MAPK10: variants seen among roughly 807,000 people sequenced by gnomAD.
MAPK10 encodes the protein mitogen-activated protein kinase 10.
A neutral mutation model predicts 59.3 loss-of-function variants in MAPK10; 25 were observed. The ratio of observed to expected loss-of-function variants is 0.42; its 90% CI spans 0.31 to 0.59. The LOEUF is 0.59. MAPK10 is among the 20% of genes least tolerant of loss of function. The pLI is 0.15. For synonymous variants in MAPK10, 190 were observed against 200.5 expected, an observed-to-expected ratio of 0.95 and a Z score of 0.44; for missense variants, 351 against 568.9, an observed-to-expected ratio of 0.62 and a Z score of 3.90.
chr4:86,101,025 G>T, intron 8 of MAPK10, 27 bp downstream of exon 8: 1 of 1,606,548 alleles, frequency 6.2e-7, no homozygotes, highest in Non-Finnish European at 8.5e-7. Flanking sequence ...TCATGGTTTT[G>T]ATGCTGCTCT....
intron 2 of MAPK10, among the ~76,000 whole-genome samples, chr4:86,349,118 TC>T (rs1367559736): frequency 1.3e-5 from 2 of 152,276 alleles, no homozygotes; most frequent in Non-Finnish European, 2.9e-5. Context: ...ATAACAATCA[TC>T]AAAAAACAAT....
In MAPK10 at chr4:86,027,935, C is replaced by T. The variant is rs547211148; in HGVS notation, c.1252+1262G>A. 3 of 152,330 alleles carry T rather than the reference C, an allele frequency of 2.0e-5. No individual in the cohort carries two copies. The South Asian group carries it at 6.2e-4, about 32-fold the overall frequency. The allele number at this position is 152,330 out of a possible 1,614,324, so 9.4% of individuals were successfully genotyped here. A position where few individuals can be genotyped will look rare whatever the true frequency, so the allele number is the denominator to read the frequency against. On this transcript the variant is annotated intron_variant, in intron 13 of 13. Coordinates refer to ENST00000641462, the MANE Select transcript of MAPK10 (RefSeq NM_138982.4). ...GGAAATGAAGTAATGATAACTTGAACTGAAGATGAATAGAATAGGTTCTAC... is the reference window on the plus strand; with the variant it reads ...GGAAATGAAGTAATGATAACTTGAATTGAAGATGAATAGAATAGGTTCTAC...
intron 1 of MAPK10, among the ~76,000 whole-genome samples, chr4:86,566,206 C>G (rs928641723): frequency 6.6e-6 from 1 of 152,132 alleles, no homozygotes; most frequent in Non-Finnish European, 1.5e-5. Flanking sequence ...ATTCCCTCTT[C>G]CCAAGGTCAA....
intron 1 of MAPK10, among the ~76,000 whole-genome samples, chr4:86,366,271 G>C (rs565167769): frequency 1.3e-5 from 2 of 152,236 alleles, no homozygotes; most frequent in African/African-American, 4.8e-5. Context: ...CATGTTGATA[G>C]CAAGAGGGAA....
At chr4:86,420,734 A>G (rs1296962925) in intron 1 of MAPK10, among the ~76,000 whole-genome samples, 2 of 152,162 alleles carry the variant, frequency 1.3e-5, no homozygotes, top group Non-Finnish European at 2.9e-5. Flanking sequence ...GGCTGCAGTG[A>G]GTCGAGATCA....
chr4:86,062,828 G>A (rs1050220345), intron 11 of MAPK10, among the ~76,000 whole-genome samples: 16 of 152,144 alleles, frequency 1.1e-4, no homozygotes, highest in East Asian at 7.7e-4. Flanking sequence ...AAGAACATCT[G>A]TGCAAGTATT....
At chr4:86,144,872 A>G (rs1176685762) in intron 4 of MAPK10, among the ~76,000 whole-genome samples, 2 of 152,200 alleles carry the variant, frequency 1.3e-5, no homozygotes, top group African/African-American at 4.8e-5. Flanking sequence ...AAATGTTAAA[A>G]ACTTACAGTG....
chr4:86,559,865 G>A (rs1045922573), intron 1 of MAPK10, among the ~76,000 whole-genome samples: 2 of 151,394 alleles, frequency 1.3e-5, no homozygotes, highest in African/African-American at 4.9e-5. Context: ...CTTGAACCTG[G>A]GAGGCAGAGA....
At chr4:86,250,471 ATGC>A (rs2093355621) in intron 2 of MAPK10, among the ~76,000 whole-genome samples, 1 of 152,202 alleles carries the variant, frequency 6.6e-6, no homozygotes, top group African/African-American at 2.4e-5. Context: ...CCGCTGAACT[ATGC>A]TTTTGCTGTT....
intron 1 of MAPK10, among the ~76,000 whole-genome samples, chr4:86,368,378 C>T (rs1003835196): frequency 3.3e-5 from 5 of 152,124 alleles, no homozygotes; most frequent in Admixed American, 6.5e-5. Context: ...TAACTAAAAT[C>T]CATGGTTTAC....
At chr4:86,543,713 C>T (rs1578057932) in intron 1 of MAPK10, among the ~76,000 whole-genome samples, 1 of 151,900 alleles carries the variant, frequency 6.6e-6, no homozygotes, top group South Asian at 2.1e-4. Context: ...TTGGCAAGTA[C>T]ATGAAGAGGA....
intron 2 of MAPK10, chr4:86,308,799 C>T (rs891946649): frequency 3.3e-5 from 5 of 152,222 alleles, no homozygotes; most frequent in Non-Finnish European, 7.3e-5. Flanking sequence ...AAATGACCAT[C>T]TACCTTTTCT....
intron 2 of MAPK10, among the ~76,000 whole-genome samples, chr4:86,283,361 A>G (rs1207620693): frequency 6.6e-6 from 1 of 152,246 alleles, no homozygotes; most frequent in Non-Finnish European, 1.5e-5. Flanking sequence ...ATAATCTACC[A>G]GCAGTGCTGG....
chr4:86,284,586 C>T (rs538537906), intron 2 of MAPK10, among the ~76,000 whole-genome samples: 53 of 152,264 alleles, frequency 3.5e-4, no homozygotes, highest in African/African-American at 1.1e-3. Context: ...ATAATACTAC[C>T]GGCCTCATAG....
chr4:86,236,338 A>G (rs936232800), intron 2 of MAPK10, among the ~76,000 whole-genome samples: 1 of 152,224 alleles, frequency 6.6e-6, no homozygotes, highest in African/African-American at 2.4e-5. Context: ...AGGGTGAGGA[A>G]GACATTATTC....
chr4:86,582,144 G>A (rs1424485578), intron 1 of MAPK10, among the ~76,000 whole-genome samples: 1 of 151,418 alleles, frequency 6.6e-6, no homozygotes, highest in Non-Finnish European at 1.5e-5. Context: ...ATCTGTAAAA[G>A]TGAAAGTAAC....
intron 1 of MAPK10, among the ~76,000 whole-genome samples, chr4:86,525,697 C>T (rs751089107): frequency 3.3e-5 from 5 of 152,186 alleles, no homozygotes; most frequent in African/African-American, 4.8e-5. Flanking sequence ...TCAACACTTA[C>T]GAGTATTCTT....
At chr4:86,565,549 A>G (rs1174255118) in intron 1 of MAPK10, among the ~76,000 whole-genome samples, 2 of 152,228 alleles carry the variant, frequency 1.3e-5, no homozygotes, top group Admixed American at 6.5e-5. Context: ...CCTCTAAAAC[A>G]TCAGTGATTA....
chr4:86,052,430 A>T (rs576001650), intron 11 of MAPK10, among the ~76,000 whole-genome samples: 3 of 152,256 alleles, frequency 2.0e-5, no homozygotes, highest in Admixed American at 2.0e-4. Flanking sequence ...GATCTGAAAA[A>T]GCCTGTGAAC....
Sources: gnomAD v4.1 joint callset for allele counts (sites outside exome capture counted in the v4.1 genomes callset) on GRCh38, gnomAD v4.1.1 for gene constraint, MANE v1.5 for transcripts, NCBI Gene and HGNC (gene_info 2026-07-23, HGNC 2026-07-21) for gene names.